The following LRRK2 variants were observed in gnomAD, a reference collection of about 807,000 sequenced individuals.
LRRK2 encodes leucine-rich repeat serine/threonine-protein kinase 2.
Under a neutral mutation model 302.6 loss-of-function variants are expected in LRRK2, and 203 were observed. That is an observed-to-expected ratio of 0.67 (90% CI 0.60 to 0.75). The LOEUF (loss-of-function observed/expected upper bound fraction) is 0.75. LRRK2 is among the 30% of genes least tolerant of loss of function. The probability of loss-of-function intolerance (pLI) is 0.00; values close to 1 mark genes in which losing one functional copy is unlikely to be tolerated. For missense variants in LRRK2, 2,830 were observed against 2,951.0 expected, an observed-to-expected ratio of 0.96 and a Z score of 0.95; for synonymous variants, 1,066 against 1,031.9, an observed-to-expected ratio of 1.03 and a Z score of -0.63.
intron 44 of LRRK2, among the ~76,000 whole-genome samples, chr12:40,352,884 C>A (rs1436354796): frequency 3.3e-5 from 5 of 152,236 alleles, no homozygotes; most frequent in Non-Finnish European, 7.3e-5. Flanking sequence ...CAGCAACAAT[C>A]TGATTTCTGT....
Position 40,354,291 on chromosome 12 carries a change from C to A in LRRK2, c.6577-8C>A, listed in dbSNP as rs573145752. 1.2e-6 allele frequency: 2 copies of A among 1,612,484 alleles called. No homozygotes were observed. The highest frequency in any genetic ancestry group is 3.3e-5 in the Admixed American group (2 of 59,952). Reference sequence around the variant, plus strand: ...AATCCTGCTAAGTATATTTTCTTTTCTTAACAGGAAGTTGCTGATAGTAGA... The same window carrying A: ...AATCCTGCTAAGTATATTTTCTTTTATTAACAGGAAGTTGCTGATAGTAGA... On this transcript the variant is annotated splice_region_variant and splice_polypyrimidine_tract_variant and intron_variant, in intron 44 of 50. Transcript: ENST00000298910.
chr12:40,364,776 C>A, intron 48 of LRRK2, 66 bp from the exon 49 acceptor site: 2 of 1,175,402 alleles, frequency 1.7e-6, no homozygotes, highest in South Asian at 1.3e-5. Flanking sequence ...TTTATGTTAT[C>A]ATATGTAAAT....
At chr12:40,359,039 A>G (rs1454825181) in intron 46 of LRRK2, among the ~76,000 whole-genome samples, 5 of 151,372 alleles carry the variant, frequency 3.3e-5, no homozygotes, top group African/African-American at 1.2e-4. Flanking sequence ...TGTTGTATAG[A>G]TATGCTACTG....
At chr12:40,281,892 A>G (rs1000740866) in intron 18 of LRRK2, among the ~76,000 whole-genome samples, 2 of 152,184 alleles carry the variant, frequency 1.3e-5, no homozygotes, top group African/African-American at 4.8e-5. Context: ...GGGCATTGAC[A>G]AGAGAGTAAA....
rs1051050605 is a variant in LRRK2 at position 40,302,892 on chromosome 12, T to A, written c.3590+10T>A. On this transcript the variant is annotated intron_variant, in intron 26 of 50. Coordinates refer to ENST00000298910, the MANE Select transcript of LRRK2 (RefSeq NM_198578.4). Reference sequence around the variant, plus strand: ...TTTTAAATCTTCCACAGTAAGTTTATTGTTATTTTAATTTTAAAAGCACAT... The same window carrying A: ...TTTTAAATCTTCCACAGTAAGTTTAATGTTATTTTAATTTTAAAAGCACAT... 1 of 1,514,542 alleles carries A rather than the reference T, an allele frequency of 6.6e-7. No homozygotes were observed. Among genetic ancestry groups the A allele is most frequent in the South Asian group, 1.1e-5 (1 of 88,680 alleles). The allele number at this position is 1,514,542 out of a possible 1,614,324, so 93.8% of individuals were successfully genotyped here.
Position 40,322,107 on chromosome 12 carries a change from G to T in LRRK2, c.5243G>T (p.Cys1748Phe). The T allele has an allele frequency of 1.2e-6, 2 of 1,613,272 alleles. No individual in the cohort carries two copies. Among genetic ancestry groups the T allele is most frequent in the Non-Finnish European group, 1.7e-6 (2 of 1,179,444 alleles). Reference sequence around the variant, plus strand: ...TTAAATTGGTCTCCTGAAGCTTATTGTCTGGTAGGATCTGAAGTCTTAGAC... The same window carrying T: ...TTAAATTGGTCTCCTGAAGCTTATTTTCTGGTAGGATCTGAAGTCTTAGAC... Reference protein sequence around the residue: ...IYLNWSPEAYCLVGSEVLDNH... With the variant: ...IYLNWSPEAYFLVGSEVLDNH... Residue 1748 changes from cysteine (C) to phenylalanine (F), a missense_variant, in exon 36 of 51, where the codon TGT (cysteine) becomes TTT (phenylalanine). Cys to Phe is a radical substitution (Grantham distance 205). Around this residue, in one of 3 missense-constraint regions of LRRK2, gnomAD observed 2,121 missense variants for 2,148.0 expected, o/e 0.99. Coordinates refer to ENST00000298910, the MANE Select transcript of LRRK2 (RefSeq NM_198578.4).
At chr12:40,254,753 A>C (rs144431991) in intron 11 of LRRK2, among the ~76,000 whole-genome samples, 37 of 152,238 alleles carry the variant, frequency 2.4e-4, no homozygotes, top group African/African-American at 8.7e-4. Context: ...GTCCACCCTG[A>C]TGTCTTTGTT....
intron 45 of LRRK2, among the ~76,000 whole-genome samples, chr12:40,355,129 T>C (rs1400553011): frequency 1.3e-5 from 2 of 152,118 alleles, no homozygotes; most frequent in Non-Finnish European, 2.9e-5. Flanking sequence ...TAAGTTAGTA[T>C]TGGAAAAAAA....
intron 27 of LRRK2, chr12:40,304,348 C>T (rs956957165): frequency 6.8e-6 from 4 of 591,280 alleles, no homozygotes; most frequent in Non-Finnish European, 1.2e-5. Flanking sequence ...AATTTCCATT[C>T]TCACACCGAC....
intron 46 of LRRK2, among the ~76,000 whole-genome samples, 163 bp from the exon 47 acceptor site, chr12:40,359,097 A>G (rs1217814885): frequency 2.0e-5 from 3 of 151,994 alleles, no homozygotes; most frequent in East Asian, 3.9e-4. Context: ...ATTTATCAGA[A>G]CTAAGAGTTT....
In LRRK2 at chr12:40,225,593, CTG is replaced by C. The variant is rs1181905113; in HGVS notation, c.192_193del (p.Leu65AspfsTer43). 1 of 1,614,134 alleles carries C rather than the reference CTG, an allele frequency of 6.2e-7. No homozygotes were observed. The highest frequency in any genetic ancestry group is 8.5e-7 in the Non-Finnish European group (1 of 1,180,022). ...LFQGKNIHVP[L>X]LIVLDSYMRV... ...TCAAGGCAAAAATATCCATGTGCCT[CTG>C]TTGATCGTCTTGGACTCCTATATGA... On this transcript the variant is annotated frameshift_variant, in exon 2 of 51. Coordinates refer to ENST00000298910, the MANE Select transcript of LRRK2 (RefSeq NM_198578.4). LOFTEE classifies it high-confidence loss of function.
Position 40,326,355 on chromosome 12 carries a change from A to G in LRRK2, c.5657-2005A>G, listed in dbSNP as rs1592291654. ...GGTGTGGGCGGCTGTAGTCCCAGCT[A>G]CTCGGGAGGCTGAGTCAGGAAAATG... On this transcript the variant is annotated intron_variant, in intron 38 of 50. Transcript: ENST00000298910. 2.0e-5 allele frequency among the ~76,000 whole-genome samples: 3 copies of G among 151,276 alleles called. No individual in the cohort carries two copies. In the East Asian group the frequency reaches 5.8e-4, roughly 29 times the overall value.
intron 26 of LRRK2, 64 bp downstream of exon 26, chr12:40,302,946 A>T (rs1254352234): frequency 8.8e-7 from 1 of 1,141,082 alleles, no homozygotes; most frequent in East Asian, 2.4e-5. Context: ...TAGAAACATG[A>T]TTTCGATTTA....
chr12:40,307,664 T>C (rs143409646), intron 28 of LRRK2, among the ~76,000 whole-genome samples: 172 of 152,112 alleles, frequency 1.1e-3, no homozygotes, highest in African/African-American at 4.0e-3. Context: ...GTAACTAATA[T>C]GACCCTATTA....
In LRRK2 at chr12:40,361,796, C is replaced by A. The variant is rs185364941; in HGVS notation, c.7029-1606C>A. On this transcript the variant is annotated intron_variant, in intron 47 of 50. Transcript: ENST00000298910. ...GTATCTCCTGTGGCCTTGGTCTCTA[C>A]CCCACAAAACAGACATCACATCACT... 3.6e-4 allele frequency among the ~76,000 whole-genome samples: 55 copies of A among 152,066 alleles called. 1 individual carries two copies. The East Asian group carries it at 0.011, about 29-fold the overall frequency.
intron 32 of LRRK2, 86 bp from the exon 33 acceptor site, chr12:40,315,126 G>A (rs781484620): frequency 9.2e-7 from 1 of 1,086,470 alleles, no homozygotes. Flanking sequence ...CCTGCAAAAT[G>A]AGGAAGTTGG....
chr12:40,337,381 A>C (rs715403), intron 40 of LRRK2, among the ~76,000 whole-genome samples: 39,450 of 152,142 alleles, frequency 0.26, 5,913 homozygotes, highest in Middle Eastern at 0.4. Flanking sequence ...ATTCTATAAA[A>C]CTTATGAAAA....
chr12:40,355,132 G>GA (rs1284455509), intron 45 of LRRK2, among the ~76,000 whole-genome samples: 1 of 152,004 alleles, frequency 6.6e-6, no homozygotes, highest in Non-Finnish European at 1.5e-5. Context: ...GTTAGTATTG[G>GA]AAAAAAAGTA....
intron 6 of LRRK2, among the ~76,000 whole-genome samples, chr12:40,241,917 T>C (rs1189863585): frequency 1.3e-5 from 2 of 152,178 alleles, no homozygotes; most frequent in Non-Finnish European, 2.9e-5. Flanking sequence ...AGAAAGGCCA[T>C]GGTTTTACAT....
Sources: gnomAD v4.1 joint callset for allele counts (sites outside exome capture counted in the v4.1 genomes callset) on GRCh38, gnomAD v4.1.1 for gene constraint, gnomAD v4.1.1 regional missense constraint, MANE v1.5 for transcripts, NCBI Gene and HGNC (gene_info 2026-07-23, HGNC 2026-07-21) for gene names.